ARFGEF2: variants seen among roughly 807,000 people sequenced by gnomAD.
ARFGEF2 encodes ARF guanine nucleotide exchange factor 2, also known as brefeldin A-inhibited guanine nucleotide-exchange protein 2.
A neutral mutation model predicts 219.9 loss-of-function variants in ARFGEF2; 74 were observed. That is an observed-to-expected ratio of 0.34 (90% CI 0.28 to 0.41). ARFGEF2 has a LOEUF of 0.41. Ranked by LOEUF, ARFGEF2 falls within the 10% of genes least tolerant of loss-of-function variation. The pLI is 1.00. For missense variants in ARFGEF2, 1,743 were observed against 2,218.3 expected, an observed-to-expected ratio of 0.79 and a Z score of 4.30; for synonymous variants, 733 against 799.2, an observed-to-expected ratio of 0.92 and a Z score of 1.40.
chr20:48,959,716 C>T (rs1249424726), intron 6 of ARFGEF2, among the ~76,000 whole-genome samples: 2 of 150,308 alleles, frequency 1.3e-5, no homozygotes, highest in African/African-American at 4.9e-5. Context: ...CTCAAGTGAT[C>T]CTCCTGACTC....
chr20:48,972,788 A>T (rs570676493), intron 11 of ARFGEF2, among the ~76,000 whole-genome samples: 1 of 152,358 alleles, frequency 6.6e-6, no homozygotes, highest in South Asian at 2.1e-4. Flanking sequence ...CTTACACTAT[A>T]CAATTGTGTG....
chr20:48,999,347 A>G, intron 25 of ARFGEF2: 3 of 377,978 alleles, frequency 7.9e-6, no homozygotes, highest in Non-Finnish European at 1.5e-5. Context: ...CTTCCTCGTT[A>G]CCAGAAGTTT....
intron 9 of ARFGEF2, among the ~76,000 whole-genome samples, chr20:48,970,425 A>G (rs905092333): frequency 2.0e-5 from 3 of 152,034 alleles, no homozygotes; most frequent in African/African-American, 7.2e-5. Flanking sequence ...CCTGGCCAAC[A>G]TGGTGAAACC....
At chr20:48,967,793 A>G (rs1309362928) in intron 8 of ARFGEF2, among the ~76,000 whole-genome samples, 5 of 152,126 alleles carry the variant, frequency 3.3e-5, no homozygotes, top group African/African-American at 1.2e-4. Flanking sequence ...CTTTATTCAA[A>G]TCTTTGCTAG....
At chr20:48,956,352 G>C (rs1237510592) in intron 6 of ARFGEF2, among the ~76,000 whole-genome samples, 3 of 152,210 alleles carry the variant, frequency 2.0e-5, no homozygotes, top group Non-Finnish European at 4.4e-5. Flanking sequence ...TATTTGTGTA[G>C]ATGAAGAGAA....
At chr20:48,978,008 T>G (rs919559097) in intron 14 of ARFGEF2, among the ~76,000 whole-genome samples, 1 of 152,232 alleles carries the variant, frequency 6.6e-6, no homozygotes. Context: ...TATTTTGGCT[T>G]TTGTTGCCAT....
intron 31 of ARFGEF2, 57 bp from the exon 32 acceptor site, chr20:49,017,192 T>C: frequency 6.3e-7 from 1 of 1,579,120 alleles, no homozygotes; most frequent in Non-Finnish European, 8.7e-7. Flanking sequence ...ATTTGAGACC[T>C]GGTTGGCATC....
chr20:48,941,483 C>G, intron 2 of ARFGEF2, among the ~76,000 whole-genome samples: 1 of 152,196 alleles, frequency 6.6e-6, no homozygotes, highest in East Asian at 1.9e-4. Flanking sequence ...TGTATCTTTT[C>G]TTAACAGAAC....
Position 49,033,093 on chromosome 20 carries a change from T to C in ARFGEF2, c.5252T>C (p.Leu1751Pro). The C allele has an allele frequency of 1.2e-6, 2 of 1,614,194 alleles. No individual in the cohort carries two copies. Among genetic ancestry groups the C allele is most frequent in the Non-Finnish European group, 1.7e-6 (2 of 1,180,022 alleles). Residue 1751 changes from leucine to proline, a missense_variant, in exon 39 of 39, where the codon CTC becomes CCC. By Grantham distance (98) the Leu-to-Pro change is moderately conservative. Transcript: ENST00000371917. ...EIMQFDLIPE[L>P]RAVLRKFFLR... The stretch of plus-strand genomic sequence containing the variant: ...ATGCAGTTTGACCTGATCCCTGAGC[T>C]CCGAGCAGTTCTGCGGAAGTTCTTC...
At chr20:49,009,490 A>T (rs531761557) in intron 26 of ARFGEF2, among the ~76,000 whole-genome samples, 1 of 152,270 alleles carries the variant, frequency 6.6e-6, no homozygotes, top group Admixed American at 6.5e-5. Flanking sequence ...TGTAGTCCCA[A>T]GGCCACTGTA....
intron 8 of ARFGEF2, among the ~76,000 whole-genome samples, chr20:48,967,140 C>T (rs2123403440): frequency 6.6e-6 from 1 of 152,280 alleles, no homozygotes; most frequent in South Asian, 2.1e-4. Context: ...GCCACTGTAT[C>T]CAACCAGAAT....
chr20:48,945,193 A>G (rs2091018243), intron 3 of ARFGEF2, among the ~76,000 whole-genome samples: 1 of 152,150 alleles, frequency 6.6e-6, no homozygotes, highest in Non-Finnish European at 1.5e-5. Context: ...ATCACATTGC[A>G]GGCTTAAGGC....
intron 10 of ARFGEF2, among the ~76,000 whole-genome samples, chr20:48,972,030 C>T (rs550723898): frequency 1.3e-5 from 2 of 152,298 alleles, no homozygotes; most frequent in Non-Finnish European, 2.9e-5. Flanking sequence ...TTAGATTAGT[C>T]GCCAAATTGA....
At chr20:48,995,703 C>A (rs1032018390) in intron 22 of ARFGEF2, 80 bp from the exon 23 acceptor site, 2 of 1,175,058 alleles carry the variant, frequency 1.7e-6, no homozygotes, top group Non-Finnish European at 2.6e-6. Context: ...CCTGTCCCTG[C>A]GTGTTGACAT....
At chr20:49,001,501 A>G (rs962774490) in intron 25 of ARFGEF2, among the ~76,000 whole-genome samples, 3 of 152,200 alleles carry the variant, frequency 2.0e-5, no homozygotes, top group African/African-American at 4.8e-5. Flanking sequence ...GCACAGTCAC[A>G]TGATTCTCTT....
At chr20:49,019,633 A>T (rs1202750684) in intron 34 of ARFGEF2, among the ~76,000 whole-genome samples, 3 of 152,242 alleles carry the variant, frequency 2.0e-5, no homozygotes, top group Non-Finnish European at 4.4e-5. Context: ...TGCCATTTTT[A>T]AATATTTCCA....
intron 15 of ARFGEF2, 31 bp from the exon 16 acceptor site, chr20:48,985,377 T>A: frequency 1.2e-6 from 2 of 1,612,556 alleles, no homozygotes; most frequent in Non-Finnish European, 1.7e-6. Flanking sequence ...ATTTGACAAT[T>A]TCTGGATATA....
In ARFGEF2 at chr20:48,948,525, G is replaced by A. The variant is rs57871089; in HGVS notation, c.277-2798G>A. On this transcript the variant is annotated intron_variant, in intron 3 of 38. Coordinates refer to ENST00000371917, the MANE Select transcript of ARFGEF2 (RefSeq NM_006420.3). ...ATAGAACCAACTTCAGAAGAGACCA[G>A]TGAGGTAGAAGACTTAATTTGTACC... 2.6e-5 allele frequency among the ~76,000 whole-genome samples: 4 copies of A among 152,268 alleles called. No individual in the cohort carries two copies. In the East Asian group the frequency reaches 7.7e-4, roughly 29 times the overall value.
chr20:48,976,241 C>G (rs1435628943), intron 14 of ARFGEF2, 42 bp downstream of exon 14: 2 of 1,608,238 alleles, frequency 1.2e-6, no homozygotes, highest in Non-Finnish European at 8.5e-7. Context: ...TCTAGCAAAG[C>G]CATATTTTCT....
Sources: allele counts gnomAD v4.1 joint callset (sites outside exome capture counted in the v4.1 genomes callset), GRCh38; gene constraint gnomAD v4.1.1; transcripts MANE v1.5; gene names NCBI Gene and HGNC (gene_info 2026-07-23, HGNC 2026-07-21).